RANBP2: variants seen among roughly 807,000 people sequenced by gnomAD.
RANBP2 encodes E3 SUMO-protein ligase RanBP2.
In RANBP2, 57 loss-of-function variants were observed where a neutral mutation model predicts 303.6. That is an observed-to-expected ratio of 0.19 (90% CI 0.15 to 0.23). RANBP2 has a LOEUF of 0.23. Among genes scored for constraint, RANBP2 ranks in the 10% least tolerant of loss-of-function variants. The probability of loss-of-function intolerance (pLI) is 1.00; values close to 1 mark genes in which losing one functional copy is unlikely to be tolerated. For missense variants in RANBP2, 3,138 were observed against 3,780.8 expected, an observed-to-expected ratio of 0.83 and a Z score of 4.46; for synonymous variants, 1,167 against 1,301.5, an observed-to-expected ratio of 0.90 and a Z score of 2.23.
At chr2:109,438,803 G>T in the RANBP2 span, among the ~76,000 whole-genome samples, 2 of 152,214 alleles carry the variant, frequency 1.3e-5, no homozygotes, top group Admixed American at 1.3e-4. Flanking sequence ...ACTGGTCAGA[G>T]GCAGCCAATA....
At chr2:109,130,415 T>C in the RANBP2 span, among the ~76,000 whole-genome samples, 1 of 152,214 alleles carries the variant, frequency 6.6e-6, no homozygotes, top group Non-Finnish European at 1.5e-5. Flanking sequence ...GCATCGCCCT[T>C]GCGTCTCCCT....
chr2:108,812,738 A>G, the RANBP2 span: 2 of 1,606,846 alleles, frequency 1.2e-6, no homozygotes, highest in South Asian at 1.1e-5. Context: ...CTACAGACAG[A>G]AGTATGTTTT....
the RANBP2 span, among the ~76,000 whole-genome samples, chr2:108,990,557 C>A: frequency 2.0e-5 from 3 of 152,022 alleles, no homozygotes; most frequent in Non-Finnish European, 4.4e-5. Flanking sequence ...GATTGTGCCA[C>A]TGCACTCCAG....
chr2:108,915,869 G>A, the RANBP2 span, among the ~76,000 whole-genome samples: 6 of 151,890 alleles, frequency 4.0e-5, no homozygotes, highest in African/African-American at 1.5e-4. Flanking sequence ...TGCACTCCAT[G>A]CTGGGCAACA....
chr2:109,210,112 G>A, the RANBP2 span, among the ~76,000 whole-genome samples: 1 of 152,104 alleles, frequency 6.6e-6, no homozygotes, highest in African/African-American at 2.4e-5. Flanking sequence ...AGGATTCATC[G>A]ACATAGCCGC....
the RANBP2 span, among the ~76,000 whole-genome samples, chr2:108,991,463 T>C: frequency 6.6e-6 from 1 of 152,228 alleles, no homozygotes; most frequent in South Asian, 2.1e-4. Context: ...TGGGGCTGTG[T>C]TCTAAATTTA....
the RANBP2 span, among the ~76,000 whole-genome samples, chr2:108,907,009 C>G: frequency 6.6e-6 from 1 of 152,222 alleles, no homozygotes; most frequent in African/African-American, 2.4e-5. Flanking sequence ...GGGCCTGCAG[C>G]CAGGGGCACA....
chr2:108,818,250 T>G, the RANBP2 span, among the ~76,000 whole-genome samples: 2 of 152,102 alleles, frequency 1.3e-5, no homozygotes, highest in Non-Finnish European at 2.9e-5. Context: ...GAGGCTGCAG[T>G]GAGCCGTGAT....
the RANBP2 span, chr2:109,129,567 C>G: frequency 6.7e-7 from 1 of 1,489,098 alleles, no homozygotes; most frequent in Non-Finnish European, 8.9e-7. Flanking sequence ...CCTGGCTGTG[C>G]GCATCCAAGG....
At chr2:109,393,805 C>T in the RANBP2 span, among the ~76,000 whole-genome samples, 1 of 152,066 alleles carries the variant, frequency 6.6e-6, no homozygotes, top group Non-Finnish European at 1.5e-5. Flanking sequence ...CTGGGCACCT[C>T]CCACACCACT....
intron 2 of RANBP2, 89 bp from the exon 3 acceptor site, chr2:108,730,685 G>T (rs1695096257): frequency 2.0e-6 from 3 of 1,487,904 alleles, no homozygotes; most frequent in Non-Finnish European, 2.8e-6. Flanking sequence ...GAGTTTAGTG[G>T]TTGCTTTGGT....
chr2:109,588,832 G>A, the RANBP2 span, among the ~76,000 whole-genome samples: 56 of 130,862 alleles, frequency 4.3e-4, 1 homozygote, highest in African/African-American at 1.5e-3. Context: ...GTAAGTTAAA[G>A]CCTAGGTCAA....
the RANBP2 span, among the ~76,000 whole-genome samples, chr2:109,576,269 A>AAC: frequency 2.0e-5 from 3 of 150,840 alleles, no homozygotes; most frequent in East Asian, 1.9e-4. Flanking sequence ...AAATGAATTA[A>AAC]ATATATATAT....
At chr2:109,424,413 G>A in the RANBP2 span, among the ~76,000 whole-genome samples, 1 of 152,226 alleles carries the variant, frequency 6.6e-6, no homozygotes, top group Admixed American at 6.5e-5. Context: ...GCCTCAGAAT[G>A]CAGCAGAAAC....
chr2:109,016,445 T>C, the RANBP2 span, among the ~76,000 whole-genome samples: 1 of 152,202 alleles, frequency 6.6e-6, no homozygotes. Context: ...ACTTTGAAGT[T>C]CTTCCACCAG....
the RANBP2 span, among the ~76,000 whole-genome samples, chr2:109,666,072 T>C: frequency 6.6e-6 from 1 of 150,862 alleles, no homozygotes; most frequent in East Asian, 1.9e-4. Context: ...GATCATGCCA[T>C]TGCACTCCAG....
chr2:109,573,326 T>C, the RANBP2 span, among the ~76,000 whole-genome samples: 1 of 152,186 alleles, frequency 6.6e-6, no homozygotes, highest in Admixed American at 6.5e-5. Context: ...TTTATACAAA[T>C]TACCTCATGT....
the RANBP2 span, among the ~76,000 whole-genome samples, chr2:109,460,867 A>G: frequency 6.6e-6 from 1 of 152,208 alleles, no homozygotes. Context: ...AGTTCTGCCC[A>G]CTGAGAGGCT....
chr2:108,973,245 C>G, the RANBP2 span, among the ~76,000 whole-genome samples: 3 of 152,320 alleles, frequency 2.0e-5, no homozygotes, highest in African/African-American at 7.2e-5. Context: ...GCTTCGGCCT[C>G]CCAAAGTTCT....
Sources: allele counts gnomAD v4.1 joint callset (sites outside exome capture counted in the v4.1 genomes callset), GRCh38; gene constraint gnomAD v4.1.1; transcripts MANE v1.5; gene names NCBI Gene and HGNC (gene_info 2026-07-23, HGNC 2026-07-21).